The following SGCZ variants were observed in gnomAD, a reference collection of about 807,000 sequenced individuals.
The protein encoded by SGCZ is zeta-sarcoglycan.
In SGCZ, 40 loss-of-function variants were observed where a neutral mutation model predicts 41.3. That is an observed-to-expected ratio of 0.97 (90% CI 0.75 to 1.26). The LOEUF is 1.26. SGCZ is among the 50% of genes most tolerant of loss of function. The pLI, the probability that SGCZ is intolerant of heterozygous loss-of-function variation, is 0.00. For missense variants in SGCZ, 552 were observed against 369.8 expected, an observed-to-expected ratio of 1.49 and a Z score of -4.04; for synonymous variants, 206 against 137.5, an observed-to-expected ratio of 1.50 and a Z score of -3.49.
intron 1 of SGCZ, among the ~76,000 whole-genome samples, chr8:15,060,610 C>A (rs1187501993): frequency 6.7e-6 from 1 of 148,640 alleles, no homozygotes; most frequent in Non-Finnish European, 1.5e-5. Context: ...CAACATGGCA[C>A]ATGTATACAT....
At chr8:15,003,974 C>CA (rs1353222432) in intron 1 of SGCZ, among the ~76,000 whole-genome samples, 1 of 152,104 alleles carries the variant, frequency 6.6e-6, no homozygotes, top group East Asian at 1.9e-4. Context: ...AGTAGGAAAA[C>CA]AGGTCAACAT....
At chr8:14,554,977 TA>T (rs758196646) in intron 1 of SGCZ, 51 bp from the exon 2 acceptor site, 66 of 1,455,578 alleles carry the variant, frequency 4.5e-5, no homozygotes, top group Middle Eastern at 1.9e-4. Context: ...AAAGAAGCAT[TA>T]AAAAAAATAA....
At chr8:14,111,954 T>G (rs1802383158) in intron 5 of SGCZ, among the ~76,000 whole-genome samples, 1 of 152,208 alleles carries the variant, frequency 6.6e-6, no homozygotes, top group African/African-American at 2.4e-5. Context: ...TCTTCTGATG[T>G]GGCTATCTAT....
intron 5 of SGCZ, among the ~76,000 whole-genome samples, chr8:14,146,375 T>C (rs917499678): frequency 5.9e-5 from 9 of 151,926 alleles, no homozygotes; most frequent in Admixed American, 5.3e-4. Flanking sequence ...AATAAAAACT[T>C]CCCCAGACAA....
chr8:14,791,380 T>C (rs1378526544), intron 1 of SGCZ, among the ~76,000 whole-genome samples: 1 of 152,008 alleles, frequency 6.6e-6, no homozygotes, highest in Non-Finnish European at 1.5e-5. Context: ...GGAGTGCGCC[T>C]CTAGGAGTTA....
intron 1 of SGCZ, among the ~76,000 whole-genome samples, chr8:14,561,382 T>A (rs1804203226): frequency 6.6e-6 from 1 of 152,294 alleles, no homozygotes; most frequent in Admixed American, 6.5e-5. Context: ...TTAAGTGGAT[T>A]TCAGAGAGTT....
At chr8:14,555,582 C>T (rs188720659) in intron 1 of SGCZ, among the ~76,000 whole-genome samples, 220 of 152,164 alleles carry the variant, frequency 1.4e-3, no homozygotes, top group African/African-American at 5.0e-3. Flanking sequence ...CCAATTAAAC[C>T]TCTTTTCTTT....
intron 1 of SGCZ, among the ~76,000 whole-genome samples, chr8:15,029,432 G>C (rs928930852): frequency 1.3e-5 from 2 of 152,044 alleles, no homozygotes; most frequent in Non-Finnish European, 2.9e-5. Context: ...GTTCATGCAT[G>C]TGTGTGAAAA....
intron 1 of SGCZ, among the ~76,000 whole-genome samples, chr8:14,803,659 C>T (rs980292591): frequency 1.6e-4 from 24 of 152,048 alleles, no homozygotes; most frequent in Non-Finnish European, 2.4e-4. Flanking sequence ...GGGAGGGGCG[C>T]CCGCCATTGC....
intron 1 of SGCZ, among the ~76,000 whole-genome samples, chr8:15,203,929 G>C (rs894944883): frequency 2.0e-5 from 3 of 152,112 alleles, no homozygotes; most frequent in African/African-American, 7.2e-5. Flanking sequence ...CTCAAAACTA[G>C]TTTTTCTTTT....
chr8:14,800,385 T>A (rs1801284378), intron 1 of SGCZ, among the ~76,000 whole-genome samples: 1 of 152,184 alleles, frequency 6.6e-6, no homozygotes, highest in Non-Finnish European at 1.5e-5. Context: ...TCCTGGCCCA[T>A]AAGTTTATGT....
intron 4 of SGCZ, among the ~76,000 whole-genome samples, chr8:14,195,100 T>G (rs139090034): frequency 1.5e-3 from 229 of 152,206 alleles, no homozygotes; most frequent in Middle Eastern, 6.8e-3. Flanking sequence ...AGAAAAACAT[T>G]AACCATAACG....
At chr8:14,204,418 A>G (rs1490176430) in intron 4 of SGCZ, among the ~76,000 whole-genome samples, 1 of 152,088 alleles carries the variant, frequency 6.6e-6, no homozygotes, top group Non-Finnish European at 1.5e-5. Context: ...GCTCAGGTCT[A>G]CTATGGGTGA....
intron 2 of SGCZ, among the ~76,000 whole-genome samples, chr8:14,458,379 T>C (rs1472828511): frequency 6.6e-6 from 1 of 152,146 alleles, no homozygotes; most frequent in African/African-American, 2.4e-5. Flanking sequence ...AATATTGAAC[T>C]CCAGTAAGTA....
intron 1 of SGCZ, among the ~76,000 whole-genome samples, chr8:14,951,769 T>A (rs1350838414): frequency 6.6e-6 from 1 of 152,086 alleles, no homozygotes; most frequent in African/African-American, 2.4e-5. Flanking sequence ...TCTGTGCGTA[T>A]AAAAATCTTT....
At chr8:14,713,098 T>C (rs1253894470) in intron 1 of SGCZ, among the ~76,000 whole-genome samples, 2 of 152,190 alleles carry the variant, frequency 1.3e-5, no homozygotes, top group Non-Finnish European at 2.9e-5. Flanking sequence ...TAAAAAAGTT[T>C]CTTGGAAATT....
At chr8:14,232,449 G>A (rs1042286408) in intron 4 of SGCZ, among the ~76,000 whole-genome samples, 1 of 151,928 alleles carries the variant, frequency 6.6e-6, no homozygotes, top group African/African-American at 2.4e-5. Flanking sequence ...TTAATTGCTT[G>A]CAAATGACAT....
chr8:14,892,594 A>G (rs1286034199), intron 1 of SGCZ, among the ~76,000 whole-genome samples: 1 of 152,212 alleles, frequency 6.6e-6, no homozygotes, highest in African/African-American at 2.4e-5. Flanking sequence ...TGATATATTA[A>G]TACATCATTA....
At chr8:14,315,940 T>C (rs1801700255) in intron 3 of SGCZ, among the ~76,000 whole-genome samples, 2 of 151,778 alleles carry the variant, frequency 1.3e-5, no homozygotes, top group South Asian at 4.1e-4. Flanking sequence ...TTAAATGATA[T>C]GTCTATGTAA....
Sources: allele counts gnomAD v4.1 joint callset (sites outside exome capture counted in the v4.1 genomes callset), GRCh38; gene constraint gnomAD v4.1.1; transcripts MANE v1.5; gene names NCBI Gene and HGNC (gene_info 2026-07-23, HGNC 2026-07-21).